The following BAK1 variants were observed in gnomAD, a reference collection of about 807,000 sequenced individuals.
The protein encoded by BAK1 is bcl-2 homologous antagonist/killer.
A neutral mutation model predicts 24.7 loss-of-function variants in BAK1; 19 were observed. That is an observed-to-expected ratio of 0.77 (90% confidence interval 0.54 to 1.13). The LOEUF is 1.13. BAK1 is among the 50% of genes most tolerant of loss of function. The probability of loss-of-function intolerance (pLI) is 0.00; values close to 1 mark genes in which losing one functional copy is unlikely to be tolerated. For synonymous variants in BAK1, 86 were observed against 107.3 expected (o/e 0.80, Z 1.23); for missense variants, 194 against 279.4 (o/e 0.69, Z 2.18).
At chr6:33,579,238 C>T (rs992343221) in intron 1 of BAK1, among the ~76,000 whole-genome samples, 2 of 152,142 alleles carry the variant, frequency 1.3e-5, no homozygotes, top group Admixed American at 6.5e-5. Context: ...CCCAGCTACT[C>T]GGGAGGCTGA....
chr6:33,574,357 T>G, intron 4 of BAK1, 143 bp from the exon 5 acceptor site: 2 of 1,432,000 alleles, frequency 1.4e-6, no homozygotes, highest in South Asian at 1.2e-5. Context: ...CAACCTGGCC[T>G]GTATTTGGGA....
chr6:33,578,683 T>C lies in BAK1; in HGVS notation c.-31-1048A>G, dbSNP rs1354593504. Among the ~76,000 whole-genome samples, 1 of 152,192 alleles carries C rather than the reference T, an allele frequency of 6.6e-6. No homozygotes were observed. The highest frequency in any genetic ancestry group is 2.4e-5 in the African/African-American group (1 of 41,438). ...CCCAATTTTCCTCTTTGCCTGGTCC[T>C]GACCGCAGCCCCAACCTGCTGTGAC... On this transcript the variant is annotated intron_variant, in intron 1 of 5. Transcript: ENST00000374467. The surrounding 1 kb of genome is among the most constrained non-coding windows in gnomAD (Gnocchi z 4.8).
At position 33,575,728 on chromosome 6, in the gene BAK1, C is replaced by T; in HGVS notation, c.206+65G>A. 7 of 1,589,146 alleles carry T rather than the reference C, an allele frequency of 4.4e-6. No individual in the cohort carries two copies. The highest frequency in any genetic ancestry group is 6.0e-6 in the Non-Finnish European group (7 of 1,166,574). On this transcript the variant is annotated intron_variant, in intron 3 of 5. Coordinates refer to ENST00000374467, the MANE Select transcript of BAK1 (RefSeq NM_001188.4). This position sits in a 1 kb window ranked among gnomAD's most constrained non-coding sequence, Gnocchi z 6.3. ...GCCTCCCCAGCTCCCAGGACCTGCA[C>T]AGAGACCCATGCGAGCTACTGCCTC... is the stretch of plus-strand genomic sequence containing the variant.
rs1331564066 is a variant in BAK1, at chr6:33,578,595, C to G, written c.-31-960G>C. On this transcript the variant is annotated intron_variant, in intron 1 of 5. Transcript: ENST00000374467. This position sits in a 1 kb window ranked among gnomAD's most constrained non-coding sequence, Gnocchi z 4.8. The stretch of plus-strand genomic sequence containing the variant: ...CGGAGGGAGCCCTCAGGATCAGGGC[C>G]TTCTTTGAAGCCCCATAACCTGCCT... Among the ~76,000 whole-genome samples, 1 of 152,198 alleles carries G rather than the reference C, an allele frequency of 6.6e-6. No homozygotes were observed. The highest frequency in any genetic ancestry group is 2.4e-5 in the African/African-American group (1 of 41,448).
chr6:33,577,708 G>T lies in BAK1; in HGVS notation c.-31-73C>A. On this transcript the variant is annotated intron_variant, in intron 1 of 5. Transcript: ENST00000374467. This position sits in a 1 kb window ranked among gnomAD's most constrained non-coding sequence, Gnocchi z 4.6. ...TGTGACTGGGGACCCCATACAGGTT[G>T]CCATGTCCACATAGGAGAGAGGATC... 9.4e-7 allele frequency: 1 copy of T among 1,069,186 alleles called. No homozygotes were observed. The highest frequency in any genetic ancestry group is 1.3e-6 in the Non-Finnish European group (1 of 745,460). 66.2% of individuals were successfully genotyped at this position (1,069,186 alleles called of 1,614,324 possible).
chr6:33,573,631 C>G lies in BAK1; in HGVS notation c.*172G>C, dbSNP rs5745596. 2.7e-3 allele frequency: 1,739 copies of G among 640,570 alleles called. 37 individuals carry two copies. The highest frequency in any genetic ancestry group is 0.017 in the East Asian group (620 of 36,600). 39.7% of individuals were successfully genotyped at this position (640,570 alleles called of 1,614,324 possible). On this transcript the variant is annotated 3_prime_UTR_variant, in exon 6 of 6. Coordinates refer to ENST00000374467, the MANE Select transcript of BAK1 (RefSeq NM_001188.4). ...ACTAGCACCATGCAATGTTGAGGTG[C>G]CTCTGCAGCCTGACTGGCCCCCACG... is the stretch of plus-strand genomic sequence containing the variant.
At position 33,573,880 on chromosome 6, in the gene BAK1, G is replaced by T; in HGVS notation, c.559C>A (p.Pro187Thr). ...AGAACCACCAGCACGTTCAGGATGG[G>T]ACCATTGCCCAAGTTCAGGGCTGCC... ...WVAALNLGNGPILNVLVVLGV... is the reference protein window; with the variant it reads ...WVAALNLGNGTILNVLVVLGV... The change falls in exon 6 of 6, where the codon CCC (proline) becomes ACC (threonine). Residue 187 changes from proline (P) to threonine (T), a missense_variant. Coordinates refer to ENST00000374467, the MANE Select transcript of BAK1 (RefSeq NM_001188.4). 6.2e-7 allele frequency: 1 copy of T among 1,614,194 alleles called. No homozygotes were observed. Among genetic ancestry groups the T allele is most frequent in the Non-Finnish European group, 8.5e-7 (1 of 1,180,030 alleles).
In BAK1 at chr6:33,575,605, G is replaced by T; in HGVS notation, c.207-164C>A. On this transcript the variant is annotated intron_variant, in intron 3 of 5. Transcript: ENST00000374467. This position sits in a 1 kb window ranked among gnomAD's most constrained non-coding sequence, Gnocchi z 6.3. ...ACATGAGTGCTGGGCTCCAGGAGAAGGGGCAGGCATGGGCTAAAAAGGATA... is the reference window on the plus strand; with the variant it reads ...ACATGAGTGCTGGGCTCCAGGAGAATGGGCAGGCATGGGCTAAAAAGGATA... 1 of 1,274,574 alleles carries T rather than the reference G, an allele frequency of 7.8e-7. No homozygotes were observed. The allele number at this position is 1,274,574 out of a possible 1,614,324, so 79.0% of individuals were successfully genotyped here.
In BAK1 at chr6:33,580,218, CAT is replaced by C. The variant is rs1396082540; in HGVS notation, c.-227_-226del. On this transcript the variant is annotated 5_prime_UTR_variant, in exon 1 of 6. An upstream start codon of the reference 5' UTR is lost. Coordinates refer to ENST00000374467, the MANE Select transcript of BAK1 (RefSeq NM_001188.4). ...GAGGGACCCGCGAGACTCCAGTGAT[CAT>C]AGAGGTGCCAGCGGCACCCGGCTCC... is the stretch of plus-strand genomic sequence containing the variant. 6.6e-6 allele frequency: 1 copy of C among 152,228 alleles called. No homozygotes were observed. The highest frequency in any genetic ancestry group is 1.5e-5 in the Non-Finnish European group (1 of 68,058). The allele number at this position is 152,228 out of a possible 1,614,324, so 9.4% of individuals were successfully genotyped here.
Position 33,575,642 on chromosome 6 carries a change from A to G in BAK1, c.206+151T>C. 3 of 1,354,342 alleles carry G rather than the reference A, an allele frequency of 2.2e-6. No homozygotes were observed. The highest frequency in any genetic ancestry group is 2.3e-5 in the East Asian group (1 of 43,166). 83.9% of individuals were successfully genotyped at this position (1,354,342 alleles called of 1,614,324 possible). A position where few individuals can be genotyped will look rare whatever the true frequency, so the allele number is the denominator to read the frequency against. Reference sequence around the variant, plus strand: ...GGCTAAAAAGGATACAAGGTCCTGGATGGGGGTGGGAGCCCAACATAAAAG... The same window carrying G: ...GGCTAAAAAGGATACAAGGTCCTGGGTGGGGGTGGGAGCCCAACATAAAAG... On this transcript the variant is annotated intron_variant, in intron 3 of 5. Coordinates refer to ENST00000374467, the MANE Select transcript of BAK1 (RefSeq NM_001188.4). This position sits in a 1 kb window ranked among gnomAD's most constrained non-coding sequence, Gnocchi z 6.3.
rs982185336 is a variant in BAK1, at chr6:33,577,282, G to A, written c.70+253C>T. Reference sequence around the variant, plus strand: ...CGCCCGTGACCCAGCCCTCTGCCCCGGTGGCACTGTGCCTACCTTACACTC... The same window carrying A: ...CGCCCGTGACCCAGCCCTCTGCCCCAGTGGCACTGTGCCTACCTTACACTC... On this transcript the variant is annotated intron_variant, in intron 2 of 5. Transcript: ENST00000374467. The surrounding 1 kb of genome is among the most constrained non-coding windows in gnomAD (Gnocchi z 4.6). Among the ~76,000 whole-genome samples the A allele has an allele frequency of 6.6e-6, 1 of 152,100 alleles. No individual in the cohort carries two copies. The highest frequency in any genetic ancestry group is 1.5e-5 in the Non-Finnish European group (1 of 68,022).
In BAK1 at chr6:33,577,839, GGTGTGAGCCACC is replaced by G. The variant is rs1006618982; in HGVS notation, c.-31-216_-31-205del. ...GGCCATCCACAGTGCTGGGATTACAGGTGTGAGCCACCGTGCCTGGCCTCCTCTGGGACTTTT... is the reference window on the plus strand; with the variant it reads ...GGCCATCCACAGTGCTGGGATTACAGGTGCCTGGCCTCCTCTGGGACTTTT... On this transcript the variant is annotated intron_variant, in intron 1 of 5. Transcript: ENST00000374467. The surrounding 1 kb of genome is among the most constrained non-coding windows in gnomAD (Gnocchi z 4.6). Among the ~76,000 whole-genome samples, 1 of 152,164 alleles carries G rather than the reference GGTGTGAGCCACC, an allele frequency of 6.6e-6. No individual in the cohort carries two copies. The highest frequency in any genetic ancestry group is 2.4e-5 in the African/African-American group (1 of 41,452).
At position 33,573,596 on chromosome 6, in the gene BAK1, G is replaced by A; in HGVS notation, c.*207C>T. 1 of 598,228 alleles carries A rather than the reference G, an allele frequency of 1.7e-6. No homozygotes were observed. Among genetic ancestry groups the A allele is most frequent in the Non-Finnish European group, 3.0e-6 (1 of 333,254 alleles). 37.1% of individuals were successfully genotyped at this position (598,228 alleles called of 1,614,324 possible). A position where few individuals can be genotyped will look rare whatever the true frequency, so the allele number is the denominator to read the frequency against. ...GACGGCCACAGCCCCTGGGCCCAGAGAGAGGGCCCACTAGCACCATGCAAT... is the reference window on the plus strand; with the variant it reads ...GACGGCCACAGCCCCTGGGCCCAGAAAGAGGGCCCACTAGCACCATGCAAT... On this transcript the variant is annotated 3_prime_UTR_variant, in exon 6 of 6. Coordinates refer to ENST00000374467, the MANE Select transcript of BAK1 (RefSeq NM_001188.4).
At position 33,577,448 on chromosome 6, in the gene BAK1, GA is replaced by G; in HGVS notation, c.70+86del. On this transcript the variant is annotated intron_variant, in intron 2 of 5. Coordinates refer to ENST00000374467, the MANE Select transcript of BAK1 (RefSeq NM_001188.4). This position sits in a 1 kb window ranked among gnomAD's most constrained non-coding sequence, Gnocchi z 4.6. Reference sequence around the variant, plus strand: ...CCACCCACAGTGGGTGAACCGAGGCGAAGGAGCCTGCCTGAGTCCTGCTCCT... The same window carrying G: ...CCACCCACAGTGGGTGAACCGAGGCGAGGAGCCTGCCTGAGTCCTGCTCCT... 7.7e-7 allele frequency: 1 copy of G among 1,291,626 alleles called. No individual in the cohort carries two copies. Among genetic ancestry groups the G allele is most frequent in the South Asian group, 1.6e-5 (1 of 63,466 alleles). The allele number at this position is 1,291,626 out of a possible 1,614,324, so 80.0% of individuals were successfully genotyped here.
At chr6:33,576,945 C>T (rs1461972146) in intron 2 of BAK1, among the ~76,000 whole-genome samples, 1 of 152,180 alleles carries the variant, frequency 6.6e-6, no homozygotes, top group East Asian at 1.9e-4. Context: ...CAGCCCTTTG[C>T]GTGCAGGGAA....
chr6:33,577,664 A>G lies in BAK1; in HGVS notation c.-31-29T>C. 2 of 1,454,382 alleles carry G rather than the reference A, an allele frequency of 1.4e-6. No homozygotes were observed. The highest frequency in any genetic ancestry group is 2.5e-5 in the East Asian group (1 of 39,692). 90.1% of individuals were successfully genotyped at this position (1,454,382 alleles called of 1,614,324 possible). ...CGGGGAAGGGCGAGAAAAAGCAGAG[A>G]TGGGGGTGAGCACAGACCTGTGACT... On this transcript the variant is annotated intron_variant, in intron 1 of 5. Transcript: ENST00000374467. The surrounding 1 kb of genome is among the most constrained non-coding windows in gnomAD (Gnocchi z 4.6).
chr6:33,574,234 T>C lies in BAK1; in HGVS notation c.351-20A>G, dbSNP rs781587510. 6 of 1,607,712 alleles carry C rather than the reference T, an allele frequency of 3.7e-6. No homozygotes were observed. Among genetic ancestry groups the C allele is most frequent in the East Asian group, 2.2e-5 (1 of 44,694 alleles). ...AACAGGCTGTGGGCAGAGCATCCCA[T>C]AGCATTGGTGGAGAGCCCCCAGGAA... On this transcript the variant is annotated intron_variant, in intron 4 of 5. Coordinates refer to ENST00000374467, the MANE Select transcript of BAK1 (RefSeq NM_001188.4).
At chr6:33,573,980 G>C in intron 5 of BAK1, 54 bp downstream of exon 5, 1 of 1,612,876 alleles carries the variant, frequency 6.2e-7, no homozygotes, top group Non-Finnish European at 8.5e-7. Context: ...GGTGGGGCCT[G>C]GGAGAGGGGC....
In BAK1 at chr6:33,575,329, C is replaced by T; in HGVS notation, c.319G>A (p.Ala107Thr). 1.9e-6 allele frequency: 3 copies of T among 1,614,190 alleles called. No individual in the cohort carries two copies. Among genetic ancestry groups the T allele is most frequent in the Non-Finnish European group, 2.5e-6 (3 of 1,180,030 alleles). ...GCAATCTTGGTGAAGTACTCATAGG[C>T]ATTCTCTGCCGTGGGCTGCAGGTGC... ...LQHLQPTAEN[A>T]YEYFTKIATS... The change falls in exon 4 of 6, where the codon GCC becomes ACC. Residue 107 changes from alanine (A) to threonine (T), a missense_variant. By Grantham distance (58) the Ala-to-Thr change is moderately conservative (BLOSUM62 0). Transcript: ENST00000374467. The surrounding 1 kb of genome is among the most constrained non-coding windows in gnomAD (Gnocchi z 6.3).
Sources: allele counts gnomAD v4.1 joint callset (sites outside exome capture counted in the v4.1 genomes callset), GRCh38; gene constraint gnomAD v4.1.1; non-coding constraint Gnocchi (gnomAD v3.1); transcripts MANE v1.5; gene names NCBI Gene and HGNC (gene_info 2026-07-23, HGNC 2026-07-21).